Variants in GALNT17 observed in about 807,000 individuals in gnomAD.
The protein encoded by GALNT17 is polypeptide N-acetylgalactosaminyltransferase 17.
Under a neutral mutation model 63.7 loss-of-function variants are expected in GALNT17, and 29 were observed. That is an observed-to-expected ratio of 0.46 (90% confidence interval 0.34 to 0.62). The LOEUF is 0.62. Ranked by LOEUF, GALNT17 falls within the 20% of genes least tolerant of loss-of-function variation. GALNT17 has a pLI of 0.01. For missense variants in GALNT17, 603 were observed against 799.6 expected, an observed-to-expected ratio of 0.75 and a Z score of 2.97; for synonymous variants, 305 against 318.3, an observed-to-expected ratio of 0.96 and a Z score of 0.45.
chr7:71,134,882 C>T (rs1048268483), intron 1 of GALNT17, among the ~76,000 whole-genome samples: 4 of 113,788 alleles, frequency 3.5e-5, no homozygotes, highest in Admixed American at 1.2e-4. Flanking sequence ...AGGGTCTTCT[C>T]GCTCTGTCCC....
chr7:71,140,046 G>A (rs1479652721), intron 1 of GALNT17, among the ~76,000 whole-genome samples: 2 of 152,122 alleles, frequency 1.3e-5, no homozygotes, highest in African/African-American at 4.8e-5. Context: ...GAGAGGGATG[G>A]CATTTGGAAA....
chr7:71,173,571 G>A (rs1285029124), intron 1 of GALNT17, among the ~76,000 whole-genome samples: 3 of 152,038 alleles, frequency 2.0e-5, no homozygotes, highest in Admixed American at 1.3e-4. Flanking sequence ...TCAGGAATTC[G>A]AGACCAGCCT....
At chr7:71,661,488 G>A (rs190307481) in intron 6 of GALNT17, among the ~76,000 whole-genome samples, 3 of 152,288 alleles carry the variant, frequency 2.0e-5, no homozygotes, top group East Asian at 1.9e-4. Context: ...AGGAGCCCTC[G>A]TCTTCTGTCT....
intron 1 of GALNT17, among the ~76,000 whole-genome samples, chr7:71,185,299 G>A (rs898781119): frequency 4.0e-5 from 6 of 150,482 alleles, no homozygotes; most frequent in African/African-American, 1.5e-4. Flanking sequence ...TTGACTTCTC[G>A]GGCTCAGGTG....
intron 2 of GALNT17, among the ~76,000 whole-genome samples, chr7:71,366,886 T>C (rs1327500297): frequency 6.6e-6 from 1 of 152,214 alleles, no homozygotes; most frequent in Non-Finnish European, 1.5e-5. Context: ...TTATAGTTCT[T>C]GGATGCCTTT....
chr7:71,587,059 A>G (rs890189688), intron 6 of GALNT17, among the ~76,000 whole-genome samples: 1 of 152,024 alleles, frequency 6.6e-6, no homozygotes, highest in African/African-American at 2.4e-5. Context: ...AAACAAAGTC[A>G]ATCTGTCACC....
intron 5 of GALNT17, among the ~76,000 whole-genome samples, chr7:71,457,255 A>T (rs932898106): frequency 1.3e-5 from 2 of 152,174 alleles, no homozygotes; most frequent in African/African-American, 4.8e-5. Context: ...CAGGGGAGAT[A>T]TGCACCTCTT....
At chr7:71,624,840 G>A (rs1034929712) in intron 6 of GALNT17, among the ~76,000 whole-genome samples, 12 of 152,104 alleles carry the variant, frequency 7.9e-5, no homozygotes, top group Non-Finnish European at 1.3e-4. Context: ...TAACCTTGTC[G>A]CAAATCTCTT....
chr7:71,591,666 C>T (rs947895511), intron 6 of GALNT17, among the ~76,000 whole-genome samples: 13 of 142,844 alleles, frequency 9.1e-5, no homozygotes, highest in South Asian at 2.1e-4. Flanking sequence ...TTTGTTTGTT[C>T]GTTTGTTTGT....
chr7:71,235,268 A>T (rs936541533), intron 1 of GALNT17, among the ~76,000 whole-genome samples: 10 of 151,270 alleles, frequency 6.6e-5, no homozygotes, highest in Non-Finnish European at 1.0e-4. Context: ...AAAAAAAAAA[A>T]TTTGGTCTGT....
intron 5 of GALNT17, among the ~76,000 whole-genome samples, chr7:71,561,879 G>A (rs752253666): frequency 1.1e-4 from 16 of 152,112 alleles, no homozygotes; most frequent in Admixed American, 2.0e-4. Context: ...TGGTCCAAAG[G>A]GGCTGCCTTC....
intron 5 of GALNT17, among the ~76,000 whole-genome samples, chr7:71,470,667 A>G (rs756363379): frequency 1.1e-4 from 16 of 152,252 alleles, no homozygotes; most frequent in South Asian, 2.1e-4. Flanking sequence ...GCTTAATTCA[A>G]AGACACCCAG....
At chr7:71,434,272 C>T (rs1166563030) in intron 5 of GALNT17, among the ~76,000 whole-genome samples, 9 of 152,134 alleles carry the variant, frequency 5.9e-5, no homozygotes, top group Non-Finnish European at 8.8e-5. Flanking sequence ...ATACATCTAT[C>T]TTATGAGTCC....
At chr7:71,140,559 C>A (rs1451262124) in intron 1 of GALNT17, among the ~76,000 whole-genome samples, 1 of 152,170 alleles carries the variant, frequency 6.6e-6, no homozygotes, top group African/African-American at 2.4e-5. Flanking sequence ...AACCCAACCC[C>A]CCTGACCTTT....
chr7:71,370,402 G>A (rs112033830), intron 2 of GALNT17, among the ~76,000 whole-genome samples: 2,872 of 152,204 alleles, frequency 0.019, 103 homozygotes, highest in African/African-American at 0.064. Flanking sequence ...GGGCTCAAGC[G>A]ATCCTCCTGC....
At chr7:71,240,926 A>C (rs2116467147) in intron 1 of GALNT17, among the ~76,000 whole-genome samples, 1 of 152,054 alleles carries the variant, frequency 6.6e-6, no homozygotes. Context: ...TTCCTCCCAA[A>C]GTGCTGGGAT....
At chr7:71,667,171 C>T (rs1319065340) in intron 7 of GALNT17, among the ~76,000 whole-genome samples, 2 of 152,050 alleles carry the variant, frequency 1.3e-5, no homozygotes, top group Non-Finnish European at 2.9e-5. Context: ...AGATGGCAGC[C>T]CCTATGTATC....
intron 5 of GALNT17, among the ~76,000 whole-genome samples, chr7:71,507,660 G>A (rs1329302035): frequency 2.0e-5 from 3 of 152,124 alleles, no homozygotes; most frequent in Admixed American, 6.5e-5. Context: ...GTTAATCTTC[G>A]AGCCGTGTCC....
At position 71,388,170 on chromosome 7, in the gene GALNT17, C is replaced by G. The variant is rs796359931; in HGVS notation, c.423-65C>G. ...ATTCGGCTGAAATCTTACACTATGT[C>G]CAGCTGCAGTGCCTGAGCTTTTATC... On this transcript the variant is annotated intron_variant, in intron 2 of 10. Transcript: ENST00000333538. The G allele has an allele frequency of 8.5e-6, 13 of 1,534,812 alleles. No homozygotes were observed. In the African/African-American group the frequency reaches 1.8e-4, roughly 21 times the overall value.
Sources: gnomAD v4.1 joint callset for allele counts (sites outside exome capture counted in the v4.1 genomes callset) on GRCh38, gnomAD v4.1.1 for gene constraint, MANE v1.5 for transcripts, NCBI Gene and HGNC (gene_info 2026-07-23, HGNC 2026-07-21) for gene names.